Variants in THEM4 observed in about 807,000 individuals in gnomAD.
THEM4 encodes the protein thioesterase superfamily member 4.
THEM4 carries 22 observed loss-of-function variants against 25.0 expected under a neutral mutation model. That is an observed-to-expected ratio of 0.88 (90% CI 0.63 to 1.26). The LOEUF is 1.26. Ranked by LOEUF, THEM4 falls within the 50% of genes most tolerant of loss-of-function variation. The pLI, the probability that THEM4 is intolerant of heterozygous loss-of-function variation, is 0.00. For synonymous variants in THEM4, 113 were observed against 105.6 expected, an observed-to-expected ratio of 1.07 and a Z score of -0.43; for missense variants, 286 against 300.3, an observed-to-expected ratio of 0.95 and a Z score of 0.35.
chr1:151,903,428 T>C (rs891599031), intron 1 of THEM4, among the ~76,000 whole-genome samples: 4 of 152,370 alleles, frequency 2.6e-5, no homozygotes, highest in African/African-American at 7.2e-5. Context: ...CCATTTTCAA[T>C]AGCAGAAAAA....
At chr1:151,885,675 G>C (rs1260268107) in intron 4 of THEM4, among the ~76,000 whole-genome samples, 1 of 152,240 alleles carries the variant, frequency 6.6e-6, no homozygotes, top group Non-Finnish European at 1.5e-5. Flanking sequence ...TCATGAATGG[G>C]TCATTGGCAT....
At position 151,872,295 on chromosome 1, in the gene THEM4, G is replaced by A. The variant is rs1026612173; in HGVS notation, c.*2593C>T. ...TCCAGCTGATCTTTTGGCTGTGGAA[G>A]GATGACTGGGTAGGGTACCACAAGG... On this transcript the variant is annotated 3_prime_UTR_variant, in exon 6 of 6. Coordinates refer to ENST00000368814, the MANE Select transcript of THEM4 (RefSeq NM_053055.5). 6.6e-6 allele frequency among the ~76,000 whole-genome samples: 1 copy of A among 152,206 alleles called. No individual in the cohort carries two copies. Among genetic ancestry groups the A allele is most frequent in the African/African-American group, 2.4e-5 (1 of 41,450 alleles).
At chr1:151,882,872 G>C (rs988064146) in intron 4 of THEM4, among the ~76,000 whole-genome samples, 1 of 152,030 alleles carries the variant, frequency 6.6e-6, no homozygotes, top group Non-Finnish European at 1.5e-5. Context: ...ATGAGAGTTT[G>C]CATTAGTTTA....
At chr1:151,890,010 G>A (rs918809552) in intron 2 of THEM4, 7 of 222,494 alleles carry the variant, frequency 3.1e-5, no homozygotes, top group South Asian at 3.1e-4. Context: ...GGGTTCAAGC[G>A]ATTCTCCTGC....
In THEM4 at chr1:151,878,891, T is replaced by TACACACACAC. The variant is rs55900104; in HGVS notation, c.558-1776_558-1767dup. 8.6e-4 allele frequency among the ~76,000 whole-genome samples: 119 copies of TACACACACAC among 138,642 alleles called. No homozygotes were observed. The East Asian group carries it at 0.015, about 18-fold the overall frequency. The allele number at this position is 138,642 out of a possible 152,430, so 91.0% of individuals were successfully genotyped here. On this transcript the variant is annotated intron_variant, in intron 4 of 5. Coordinates refer to ENST00000368814, the MANE Select transcript of THEM4 (RefSeq NM_053055.5). The stretch of plus-strand genomic sequence containing the variant: ...GTTTTATTATATTTGTATATGTCTA[T>TACACACACAC]ACACACACACACACACACACACACA...
intron 4 of THEM4, among the ~76,000 whole-genome samples, chr1:151,885,618 GC>G (rs1445677613): frequency 7.2e-5 from 11 of 152,318 alleles, no homozygotes; most frequent in African/African-American, 2.6e-4. Flanking sequence ...TTTCTTGTTT[GC>G]CATGTTGCAT....
At chr1:151,906,049 C>CT (rs1654454821) in intron 1 of THEM4, among the ~76,000 whole-genome samples, 1 of 152,262 alleles carries the variant, frequency 6.6e-6, no homozygotes, top group Non-Finnish European at 1.5e-5. Context: ...TTCAGGAGCC[C>CT]TTCAGCCCAC....
chr1:151,871,856 G>A lies in THEM4; in HGVS notation c.*3032C>T, dbSNP rs1653560856. On this transcript the variant is annotated 3_prime_UTR_variant, in exon 6 of 6. Transcript: ENST00000368814. ...CTGCCAGAGAAATCTAACGATGAGA[G>A]TACAGTACCTTCATTGTCTAAACTT... Among the ~76,000 whole-genome samples the A allele has an allele frequency of 6.6e-6, 1 of 152,212 alleles. No homozygotes were observed.
At chr1:151,883,065 G>C (rs972732811) in intron 4 of THEM4, among the ~76,000 whole-genome samples, 1 of 151,512 alleles carries the variant, frequency 6.6e-6, no homozygotes, top group Non-Finnish European at 1.5e-5. Context: ...GAGAGAGAGA[G>C]AGAGTGCAAG....
At chr1:151,880,935 CTCTT>C (rs1235029389) in intron 4 of THEM4, among the ~76,000 whole-genome samples, 2 of 151,938 alleles carry the variant, frequency 1.3e-5, no homozygotes, top group African/African-American at 4.8e-5. Flanking sequence ...TTTTCTAACC[CTCTT>C]TTTTTCCTTG....
At chr1:151,891,677 G>A (rs1334694516) in intron 2 of THEM4, among the ~76,000 whole-genome samples, 1 of 152,308 alleles carries the variant, frequency 6.6e-6, no homozygotes, top group East Asian at 1.9e-4. Flanking sequence ...TTTGGAGGCT[G>A]TGTACTGTCT....
intron 2 of THEM4, among the ~76,000 whole-genome samples, chr1:151,893,377 C>CAAA (rs776463445): frequency 1.1e-4 from 14 of 131,140 alleles, no homozygotes; most frequent in Admixed American, 2.4e-4. Context: ...TTCTCAAAAC[C>CAAA]AAAAACAAAA....
At position 151,895,000 on chromosome 1, in the gene THEM4, G is replaced by A; in HGVS notation, c.286+8C>T. Reference sequence around the variant, plus strand: ...CAGATATATTAATGGGAAAGTGGCTGTTTCTACCAAGAAAATGGGTTTTGA... The same window carrying A: ...CAGATATATTAATGGGAAAGTGGCTATTTCTACCAAGAAAATGGGTTTTGA... On this transcript the variant is annotated splice_region_variant and intron_variant, in intron 2 of 5. Coordinates refer to ENST00000368814, the MANE Select transcript of THEM4 (RefSeq NM_053055.5). 6.2e-7 allele frequency: 1 copy of A among 1,613,856 alleles called. No individual in the cohort carries two copies. Among genetic ancestry groups the A allele is most frequent in the East Asian group, 2.2e-5 (1 of 44,874 alleles).
chr1:151,885,238 C>T (rs981679007), intron 4 of THEM4, among the ~76,000 whole-genome samples: 1 of 152,224 alleles, frequency 6.6e-6, no homozygotes, highest in Non-Finnish European at 1.5e-5. Flanking sequence ...TCTGCCTCAG[C>T]CCCCCAAATA....
chr1:151,907,996 C>T (rs776641140), intron 1 of THEM4, among the ~76,000 whole-genome samples: 13 of 152,334 alleles, frequency 8.5e-5, no homozygotes, highest in South Asian at 2.1e-4. Flanking sequence ...CTACCAGGTG[C>T]CTGCAGTCTC....
At chr1:151,889,608 T>C (rs1654045668) in intron 2 of THEM4, 1 of 440,830 alleles carries the variant, frequency 2.3e-6, no homozygotes, top group Admixed American at 3.7e-5. Context: ...GAAATCAAAA[T>C]GAAGTACCCA....
rs1653557125 is a variant in THEM4 at position 151,871,704 on chromosome 1, G to T, written c.*3184C>A. 6.6e-6 allele frequency among the ~76,000 whole-genome samples: 1 copy of T among 151,704 alleles called. No individual in the cohort carries two copies. The highest frequency in any genetic ancestry group is 1.5e-5 in the Non-Finnish European group (1 of 67,992). ...CCAGTGTAAGAAATGAAACTGTAAA[G>T]GGAAAAAAGTGGATACGAAGGGAGG... is the stretch of plus-strand genomic sequence containing the variant. On this transcript the variant is annotated 3_prime_UTR_variant, in exon 6 of 6. Transcript: ENST00000368814.
chr1:151,876,262 A>T lies in THEM4; in HGVS notation c.682+739T>A, dbSNP rs1158433960. ...TTCATAGGTGAGCTGTAGTTCTTTA[A>T]CCAGTCTCCTATTGATGGATAGCTA... On this transcript the variant is annotated intron_variant, in intron 5 of 5. Transcript: ENST00000368814. Among the ~76,000 whole-genome samples the T allele has an allele frequency of 2.0e-5, 3 of 152,130 alleles. No individual in the cohort carries two copies. In the East Asian group the frequency reaches 5.8e-4, roughly 29 times the overall value.
rs34578595 is a variant in THEM4 at position 151,874,364 on chromosome 1, G to GTT, written c.*522_*523dup. 1,551 of 145,866 alleles carry GTT rather than the reference G, an allele frequency of 0.011. 9 individuals carry two copies. The highest frequency in any genetic ancestry group is 0.019 in the East Asian group (86 of 4,516). 9.0% of individuals were successfully genotyped at this position (145,866 alleles called of 1,614,324 possible). ...GGTAACATATCCTAAGGAGACAAGA[G>GTT]TTTTTTTTTTTTGTTTGTTTGTTTG... On this transcript the variant is annotated 3_prime_UTR_variant, in exon 6 of 6. Transcript: ENST00000368814.
Sources: allele counts gnomAD v4.1 joint callset (sites outside exome capture counted in the v4.1 genomes callset), GRCh38; gene constraint gnomAD v4.1.1; transcripts MANE v1.5; gene names NCBI Gene and HGNC (gene_info 2026-07-23, HGNC 2026-07-21).